Variants in CFLAR observed in about 807,000 individuals in gnomAD.
CFLAR encodes the protein CASP8 and FADD like apoptosis regulator, also known as CASP8 and FADD-like apoptosis regulator.
In CFLAR, 14 loss-of-function variants were observed where a neutral mutation model predicts 51.1. The ratio of observed to expected loss-of-function variants is 0.27; its 90% CI spans 0.18 to 0.43. The LOEUF (loss-of-function observed/expected upper bound fraction) is 0.43. Among genes scored for constraint, CFLAR ranks in the 20% least tolerant of loss-of-function variants. The pLI, the probability that CFLAR is intolerant of heterozygous loss-of-function variation, is 1.00. For missense variants in CFLAR, 390 were observed against 566.5 expected (o/e 0.69, Z 3.16); for synonymous variants, 210 against 211.6 (o/e 0.99, Z 0.06).
At chr2:201,137,945 A>G (rs2050364295) in intron 4 of CFLAR, 4 of 759,236 alleles carry the variant, frequency 5.3e-6, no homozygotes, top group South Asian at 1.4e-5. Context: ...CCTTGACCAC[A>G]TGCCCCATGG....
At chr2:201,125,060 C>T (rs998512863) in intron 1 of CFLAR, among the ~76,000 whole-genome samples, 5 of 152,160 alleles carry the variant, frequency 3.3e-5, no homozygotes, top group African/African-American at 1.2e-4. Flanking sequence ...CTCAAAAAGT[C>T]AGTCATCAAG....
chr2:201,163,222 T>C (rs1943232678), intron 9 of CFLAR: 2 of 1,272,422 alleles, frequency 1.6e-6, no homozygotes, highest in Non-Finnish European at 2.0e-6. Context: ...GGCTTTGTTA[T>C]ATAAACATTT....
Position 201,163,974 on chromosome 2 carries a change from G to T in CFLAR, c.*1G>T. The T allele has an allele frequency of 1.2e-6, 2 of 1,612,040 alleles. No individual in the cohort carries two copies. Among genetic ancestry groups the T allele is most frequent in the Non-Finnish European group, 1.7e-6 (2 of 1,179,234 alleles). On this transcript the variant is annotated 3_prime_UTR_variant, in exon 10 of 10. Transcript: ENST00000309955. ...GAAACTTATCCTCTCCTACACATAA[G>T]AAACCAAAAGGCTGGGCGTAGTGGC...
intron 4 of CFLAR, chr2:201,136,727 C>A (rs1363657147): frequency 1.9e-6 from 1 of 534,650 alleles, no homozygotes; most frequent in South Asian, 2.4e-5. Context: ...CTATAGAGCA[C>A]TCTTTTACCC....
intron 9 of CFLAR, among the ~76,000 whole-genome samples, chr2:201,161,622 C>G (rs1288373351): frequency 2.0e-5 from 3 of 151,808 alleles, no homozygotes; most frequent in Non-Finnish European, 2.9e-5. Context: ...ACCATGTTGA[C>G]CAGGCCAGTC....
Position 201,164,118 on chromosome 2 carries a change from A to T in CFLAR, c.*145A>T. On this transcript the variant is annotated 3_prime_UTR_variant, in exon 10 of 10. Coordinates refer to ENST00000309955, the MANE Select transcript of CFLAR (RefSeq NM_003879.7). ...TGTCCCTAGTAAAAATACAAAAATT[A>T]GCTGGGTGTGGGTGTGGGTACCTGT... 1 of 586,010 alleles carries T rather than the reference A, an allele frequency of 1.7e-6. No individual in the cohort carries two copies. The highest frequency in any genetic ancestry group is 2.9e-6 in the Non-Finnish European group (1 of 349,898). 36.3% of individuals were successfully genotyped at this position (586,010 alleles called of 1,614,324 possible). A position where few individuals can be genotyped will look rare whatever the true frequency, so the allele number is the denominator to read the frequency against.
At chr2:201,145,832 A>G (rs1175007125) in intron 6 of CFLAR, 1 of 167,400 alleles carries the variant, frequency 6.0e-6, no homozygotes, top group Non-Finnish European at 1.3e-5. Context: ...ATAAATCTGG[A>G]TACTCTACAG....
At chr2:201,136,541 ATGG>A in intron 4 of CFLAR, 2 of 1,502,416 alleles carry the variant, frequency 1.3e-6, no homozygotes, top group Non-Finnish European at 1.8e-6. Flanking sequence ...AAACCTCCTT[ATGG>A]AAAAGAGCAC....
In CFLAR at chr2:201,175,759, C is replaced by G. The variant is rs575655557; in HGVS notation, c.*11786C>G. ...CAGAAGAAAGAATTTGACTGAGGGG[C>G]ATAAGGCAGAAGGAGGGACCGAGGC... On this transcript the variant is annotated 3_prime_UTR_variant, in exon 10 of 10. Coordinates refer to ENST00000309955, the MANE Select transcript of CFLAR (RefSeq NM_003879.7). 6.6e-6 allele frequency: 1 copy of G among 152,196 alleles called. No individual in the cohort carries two copies. The highest frequency in any genetic ancestry group is 1.5e-5 in the Non-Finnish European group (1 of 68,038). 9.4% of individuals were successfully genotyped at this position (152,196 alleles called of 1,614,324 possible).
chr2:201,139,029 T>C (rs1326646500), intron 4 of CFLAR: 1 of 457,322 alleles, frequency 2.2e-6, no homozygotes, highest in Non-Finnish European at 4.3e-6. Context: ...GAGATCAGAT[T>C]GTTACTGTGT....
At chr2:201,136,409 G>A (rs1453553889) in intron 4 of CFLAR, 1 of 1,598,244 alleles carries the variant, frequency 6.3e-7, no homozygotes, top group Non-Finnish European at 8.5e-7. Flanking sequence ...GACATTCAGG[G>A]GTTTTGCATG....
intron 2 of CFLAR, among the ~76,000 whole-genome samples, chr2:201,132,430 A>AATATATATATATAT (rs35648857): frequency 2.8e-4 from 38 of 137,962 alleles, no homozygotes; most frequent in African/African-American, 1.0e-3. Flanking sequence ...GGGGGGGAAA[A>AATATATATATATAT]ATATATATAT....
In CFLAR at chr2:201,170,070, G is replaced by C. The variant is rs1413937965; in HGVS notation, c.*6097G>C. The C allele has an allele frequency of 6.6e-6, 1 of 152,204 alleles. No homozygotes were observed. Among genetic ancestry groups the C allele is most frequent in the African/African-American group, 2.4e-5 (1 of 41,450 alleles). 9.4% of individuals were successfully genotyped at this position (152,204 alleles called of 1,614,324 possible). On this transcript the variant is annotated 3_prime_UTR_variant, in exon 10 of 10. Transcript: ENST00000309955. Reference sequence around the variant, plus strand: ...GCTATTCCTCAAAGATCTAGAACTAGAAATACTATTTGTCCCAGCAATCCC... The same window carrying C: ...GCTATTCCTCAAAGATCTAGAACTACAAATACTATTTGTCCCAGCAATCCC...
At chr2:201,162,059 CTTT>C (rs1178791186) in intron 9 of CFLAR, among the ~76,000 whole-genome samples, 1 of 151,882 alleles carries the variant, frequency 6.6e-6, no homozygotes, top group Non-Finnish European at 1.5e-5. Context: ...CCTTCCAGAT[CTTT>C]TTTTATTTGA....
In CFLAR at chr2:201,129,781, G is replaced by A. The variant is rs1399429016; in HGVS notation, c.-85G>A. On this transcript the variant is annotated 5_prime_UTR_variant, in exon 2 of 10. The change abolishes an upstream ATG in the 5' untranslated region. Coordinates refer to ENST00000309955, the MANE Select transcript of CFLAR (RefSeq NM_003879.7). ...AGAAATGAAGTCAGCCCTCAGAAAT[G>A]AAGTTGACTGCCTGCTGGCTTTCTG... 1.2e-5 allele frequency: 16 copies of A among 1,283,566 alleles called. No homozygotes were observed. The highest frequency in any genetic ancestry group is 4.1e-5 in the South Asian group (3 of 72,458). 79.5% of individuals were successfully genotyped at this position (1,283,566 alleles called of 1,614,324 possible).
rs536588399 is a variant in CFLAR, at chr2:201,139,060, A to G, written c.524-1297A>G. The G allele has an allele frequency of 2.0e-5, 8 of 406,296 alleles. No individual in the cohort carries two copies. The East Asian group carries it at 2.7e-4, about 14-fold the overall frequency. The allele number at this position is 406,296 out of a possible 1,614,324, so 25.2% of individuals were successfully genotyped here. ...TGTGTCTGTGTAGAAAGAAGTAGAC[A>G]TAGGAGACTCCATTTTGTTCTGTAC... On this transcript the variant is annotated intron_variant, in intron 4 of 9. Transcript: ENST00000309955.
Position 201,154,341 on chromosome 2 carries a change from A to G in CFLAR, c.793+4506A>G, listed in dbSNP as rs1575873203. On this transcript the variant is annotated intron_variant, in intron 8 of 9. Transcript: ENST00000309955. ...CCTGACCTTGTGATCTGCCCACCTC[A>G]GCCTCCCAAAGTGCTACGATTACAG... The G allele has an allele frequency of 1.9e-5, 3 of 159,218 alleles. No homozygotes were observed. The South Asian group carries it at 4.2e-4, about 23-fold the overall frequency. The allele number at this position is 159,218 out of a possible 1,614,324, so 9.9% of individuals were successfully genotyped here.
intron 8 of CFLAR, chr2:201,153,214 C>G (rs1262555493): frequency 6.6e-6 from 1 of 152,200 alleles, no homozygotes; most frequent in Non-Finnish European, 1.5e-5. Flanking sequence ...CCCCCCTGGG[C>G]TCAGGTGGCT....
intron 2 of CFLAR, among the ~76,000 whole-genome samples, 195 bp downstream of exon 2, chr2:201,130,341 TTTTC>T (rs1559183073): frequency 6.7e-5 from 10 of 150,018 alleles, no homozygotes; most frequent in Non-Finnish European, 1.0e-4. Context: ...CTTGCTTTCT[TTTTC>T]TTTCTTTCTT....
Sources: gnomAD v4.1 joint callset for allele counts (sites outside exome capture counted in the v4.1 genomes callset) on GRCh38, gnomAD v4.1.1 for gene constraint, MANE v1.5 for transcripts, NCBI Gene and HGNC (gene_info 2026-07-23, HGNC 2026-07-21) for gene names.